CBLB: variants seen among roughly 807,000 people sequenced by gnomAD.
CBLB encodes E3 ubiquitin-protein ligase CBL-B.
Under a neutral mutation model 104.9 loss-of-function variants are expected in CBLB, and 31 were observed. The observed-to-expected ratio is 0.30, with a 90% CI of 0.22 to 0.40. The LOEUF (loss-of-function observed/expected upper bound fraction) is 0.40. Ranked by LOEUF, CBLB falls within the 10% of genes least tolerant of loss-of-function variation. The pLI is 1.00. For synonymous variants in CBLB, 440 were observed against 422.6 expected (o/e 1.04, Z -0.51); for missense variants, 1,062 against 1,214.6 (o/e 0.87, Z 1.87).
chr3:105,697,381 A>G (rs2068519700), intron 12 of CBLB, among the ~76,000 whole-genome samples: 1 of 152,062 alleles, frequency 6.6e-6, no homozygotes, highest in Non-Finnish European at 1.5e-5. Flanking sequence ...AGATTAAAAC[A>G]TATGGGACCC....
At chr3:105,749,080 C>T (rs1189239190) in intron 5 of CBLB, among the ~76,000 whole-genome samples, 1 of 152,112 alleles carries the variant, frequency 6.6e-6, no homozygotes, top group African/African-American at 2.4e-5. Flanking sequence ...AAGAAAATCA[C>T]TTAATTTTTA....
chr3:105,677,999 T>G (rs903777100), intron 17 of CBLB, among the ~76,000 whole-genome samples: 10 of 152,090 alleles, frequency 6.6e-5, no homozygotes, highest in African/African-American at 2.4e-4. Flanking sequence ...TTTACCAAAA[T>G]CTTATGTTTT....
chr3:105,689,206 T>C (rs576152578), intron 13 of CBLB, among the ~76,000 whole-genome samples: 10 of 152,210 alleles, frequency 6.6e-5, no homozygotes, highest in African/African-American at 1.7e-4. Context: ...GGATTTTATC[T>C]TGTACAAACT....
intron 3 of CBLB, among the ~76,000 whole-genome samples, chr3:105,800,411 G>A (rs1307059942): frequency 6.6e-6 from 1 of 152,046 alleles, no homozygotes; most frequent in African/African-American, 2.4e-5. Flanking sequence ...ATCATCTGAG[G>A]AACTTGTAGA....
chr3:105,688,948 T>C (rs535881709), intron 13 of CBLB, among the ~76,000 whole-genome samples: 7 of 152,138 alleles, frequency 4.6e-5, no homozygotes, highest in African/African-American at 7.2e-5. Flanking sequence ...ATCCAGCCTC[T>C]GTGCTCTTCA....
intron 4 of CBLB, among the ~76,000 whole-genome samples, chr3:105,752,384 C>A (rs1216280957): frequency 6.6e-6 from 1 of 152,074 alleles, no homozygotes; most frequent in Admixed American, 6.6e-5. Flanking sequence ...ACTCACCTAC[C>A]CTCTTTCCCA....
intron 12 of CBLB, among the ~76,000 whole-genome samples, chr3:105,696,105 T>C (rs935881830): frequency 6.6e-6 from 1 of 151,542 alleles, no homozygotes; most frequent in African/African-American, 2.4e-5. Flanking sequence ...CACACACATA[T>C]ATATAATTTG....
chr3:105,805,378 C>G (rs1560321934), intron 3 of CBLB, among the ~76,000 whole-genome samples: 1 of 151,274 alleles, frequency 6.6e-6, no homozygotes, highest in Non-Finnish European at 1.5e-5. Context: ...GATCTCAGCT[C>G]ACTGCAACCT....
intron 3 of CBLB, among the ~76,000 whole-genome samples, chr3:105,791,762 A>T (rs977386850): frequency 1.3e-5 from 2 of 152,158 alleles, no homozygotes; most frequent in Non-Finnish European, 2.9e-5. Context: ...ATACAGTACC[A>T]CATGGGGATA....
intron 14 of CBLB, among the ~76,000 whole-genome samples, chr3:105,682,549 A>G (rs1340448552): frequency 1.3e-5 from 2 of 151,994 alleles, no homozygotes; most frequent in Non-Finnish European, 2.9e-5. Flanking sequence ...GTGTGTTGCA[A>G]AGGCTGGAGT....
chr3:105,689,574 A>G (rs974263304), intron 13 of CBLB, among the ~76,000 whole-genome samples: 2 of 151,102 alleles, frequency 1.3e-5, no homozygotes, highest in African/African-American at 4.8e-5. Context: ...TAATTACTCC[A>G]TTATTACTTG....
chr3:105,725,577 C>G (rs920132727), intron 9 of CBLB, among the ~76,000 whole-genome samples: 16 of 152,104 alleles, frequency 1.1e-4, no homozygotes, highest in African/African-American at 3.4e-4. Flanking sequence ...TAGTGCATCG[C>G]TCTAGTTCAT....
At chr3:105,848,152 A>G (rs540744448) in intron 3 of CBLB, among the ~76,000 whole-genome samples, 1 of 152,182 alleles carries the variant, frequency 6.6e-6, no homozygotes, top group East Asian at 1.9e-4. Flanking sequence ...AACTGTTTGC[A>G]GGAAAAGAGA....
At chr3:105,854,183 G>T (rs1323562827) in intron 2 of CBLB, among the ~76,000 whole-genome samples, 1 of 152,138 alleles carries the variant, frequency 6.6e-6, no homozygotes, top group African/African-American at 2.4e-5. Context: ...GTAAATGTGT[G>T]TCAGGTCAGA....
At position 105,826,688 on chromosome 3, in the gene CBLB, A is replaced by C. The variant is rs191794039; in HGVS notation, c.419+26726T>G. ...GGATGTACCTGCTGCTGGGGTCAGA[A>C]GATTGTGGAAGCCTTGGCAGAAAAG... On this transcript the variant is annotated intron_variant, in intron 3 of 18. Coordinates refer to ENST00000394030, the MANE Select transcript of CBLB (RefSeq NM_170662.5). Among the ~76,000 whole-genome samples the C allele has an allele frequency of 2.4e-3, 372 of 152,306 alleles. 6 individuals are homozygous for C. Among genetic ancestry groups the C allele is most frequent in the Admixed American group, 0.021 (327 of 15,274 alleles).
intron 3 of CBLB, among the ~76,000 whole-genome samples, chr3:105,826,254 C>T (rs6782206): frequency 0.78 from 118,618 of 152,082 alleles, 47,003 homozygotes; most frequent in Non-Finnish European, 0.86. Flanking sequence ...AAATATTTAC[C>T]ACATACACAA....
At chr3:105,830,173 G>A (rs988231793) in intron 3 of CBLB, among the ~76,000 whole-genome samples, 1 of 152,096 alleles carries the variant, frequency 6.6e-6, no homozygotes, top group African/African-American at 2.4e-5. Flanking sequence ...GCTGTCCAGG[G>A]TATCGTTACC....
At chr3:105,845,062 T>C (rs968095001) in intron 3 of CBLB, among the ~76,000 whole-genome samples, 4 of 152,216 alleles carry the variant, frequency 2.6e-5, no homozygotes, top group African/African-American at 9.6e-5. Flanking sequence ...TGTCACCAGA[T>C]ATTTACTGAA....
intron 8 of CBLB, among the ~76,000 whole-genome samples, chr3:105,734,634 C>T (rs2074700677): frequency 6.6e-6 from 1 of 152,136 alleles, no homozygotes; most frequent in Admixed American, 6.5e-5. Flanking sequence ...AAGCACTTCC[C>T]GCATGCCAGG....
Sources: gnomAD v4.1 joint callset for allele counts (sites outside exome capture counted in the v4.1 genomes callset) on GRCh38, gnomAD v4.1.1 for gene constraint, MANE v1.5 for transcripts, NCBI Gene and HGNC (gene_info 2026-07-23, HGNC 2026-07-21) for gene names.